Variants in RAB28 observed in about 807,000 individuals in gnomAD.
RAB28 encodes the protein RAB28, member RAS oncogene family.
In RAB28, 24 loss-of-function variants were observed where a neutral mutation model predicts 31.7. The ratio of observed to expected loss-of-function variants is 0.76; its 90% CI spans 0.55 to 1.06. The LOEUF is 1.06. Ranked by LOEUF, RAB28 falls within the 50% of genes least tolerant of loss-of-function variation. RAB28 has a pLI of 0.00. For synonymous variants in RAB28, 100 were observed against 90.4 expected, an observed-to-expected ratio of 1.11 and a Z score of -0.60; for missense variants, 254 against 258.5, an observed-to-expected ratio of 0.98 and a Z score of 0.12.
chr4:13,445,272 C>T (rs965683911), intron 4 of RAB28, among the ~76,000 whole-genome samples: 5 of 151,908 alleles, frequency 3.3e-5, no homozygotes, highest in East Asian at 1.9e-4. Flanking sequence ...TAGTCAGCAG[C>T]TCCTGTAACC....
intron 4 of RAB28, among the ~76,000 whole-genome samples, chr4:13,390,629 G>T (rs1252052873): frequency 6.8e-6 from 1 of 147,574 alleles, no homozygotes; most frequent in Non-Finnish European, 1.5e-5. Flanking sequence ...AAACCTGGAG[G>T]CATCAAACTA....
chr4:13,452,657 T>G (rs147310044), intron 4 of RAB28, among the ~76,000 whole-genome samples: 2,489 of 152,202 alleles, frequency 0.016, 20 homozygotes, highest in African/African-American at 0.019. Flanking sequence ...TTTTTTAAAT[T>G]TTTTTGACAC....
chr4:13,381,952 T>C (rs970897054), intron 4 of RAB28, among the ~76,000 whole-genome samples: 3 of 152,214 alleles, frequency 2.0e-5, no homozygotes, highest in Non-Finnish European at 4.4e-5. Context: ...CATTTAAACA[T>C]GGTGATTAAT....
At chr4:13,378,139 A>G (rs773450949) in intron 5 of RAB28, among the ~76,000 whole-genome samples, 25 of 152,196 alleles carry the variant, frequency 1.6e-4, no homozygotes, top group Non-Finnish European at 3.4e-4. Context: ...AAGTGTAGAA[A>G]AAGAGATTAT....
intron 2 of RAB28, among the ~76,000 whole-genome samples, chr4:13,476,672 C>T (rs1256638540): frequency 4.6e-5 from 7 of 151,084 alleles, no homozygotes; most frequent in African/African-American, 7.3e-5. Context: ...ATGAATTCTC[C>T]TAGTATATTT....
rs1728597970 is a variant in RAB28, at chr4:13,368,545, A to C, written c.*13T>G. 2.5e-6 allele frequency: 4 copies of C among 1,601,842 alleles called. No individual in the cohort carries two copies. Among genetic ancestry groups the C allele is most frequent in the Non-Finnish European group, 3.4e-6 (4 of 1,175,060 alleles). ...AGGGCAGCCAGAACTATCAACACAA[A>C]AGAAAAATGCGCTCACTGAACTGCA... On this transcript the variant is annotated 3_prime_UTR_variant, in exon 7 of 7. Coordinates refer to ENST00000330852, the MANE Select transcript of RAB28 (RefSeq NM_001017979.3).
chr4:13,438,172 AT>A (rs1714227445), intron 4 of RAB28, among the ~76,000 whole-genome samples: 1 of 152,186 alleles, frequency 6.6e-6, no homozygotes, highest in Admixed American at 6.5e-5. Context: ...ATTAATCCAG[AT>A]TGGTAAAATA....
intron 6 of RAB28, among the ~76,000 whole-genome samples, chr4:13,372,384 T>C (rs1406682986): frequency 1.3e-5 from 2 of 152,120 alleles, no homozygotes; most frequent in African/African-American, 2.4e-5. Flanking sequence ...GGCTATTATA[T>C]GCTGCCAGTA....
intron 2 of RAB28, 58 bp from the exon 3 acceptor site, chr4:13,474,464 C>T: frequency 9.9e-7 from 1 of 1,006,534 alleles, no homozygotes; most frequent in East Asian, 2.5e-5. Flanking sequence ...AGTAACAATA[C>T]AACAAGTGAC....
In RAB28 at chr4:13,474,339, A is replaced by G. The variant is rs1716252860; in HGVS notation, c.240T>C (p.Asp80=). 3.8e-6 allele frequency: 6 copies of G among 1,594,240 alleles called. No individual in the cohort carries two copies. The highest frequency in any genetic ancestry group is 4.3e-6 in the Non-Finnish European group (5 of 1,164,590). ...GGQTIGGKML[D]KYIYGAQGVL... is the part of the protein sequence containing the mutation. Reference sequence around the variant, plus strand: ...ATACCTGTGCTCCATAGATATATTTATCCAACATTTTGCCTCCTATTGTCT... The same window carrying G: ...ATACCTGTGCTCCATAGATATATTTGTCCAACATTTTGCCTCCTATTGTCT... Residue 80 remains aspartate, a synonymous_variant, in exon 3 of 7, where the codon GAT becomes GAC. Transcript: ENST00000330852.
chr4:13,472,512 T>G (rs1716166427), intron 3 of RAB28, among the ~76,000 whole-genome samples: 1 of 151,844 alleles, frequency 6.6e-6, no homozygotes. Context: ...ATGTATTAAT[T>G]GAATTATATA....
intron 4 of RAB28, among the ~76,000 whole-genome samples, chr4:13,382,855 C>G (rs13435316): frequency 0.037 from 5,614 of 151,862 alleles, 175 homozygotes; most frequent in African/African-American, 0.083. Flanking sequence ...CCTGCCACCA[C>G]GCCCGGCTAA....
At chr4:13,374,557 T>C (rs7686426) in intron 6 of RAB28, among the ~76,000 whole-genome samples, 14,318 of 152,074 alleles carry the variant, frequency 0.094, 1,333 homozygotes, top group African/African-American at 0.24. Flanking sequence ...ACCATTCCCC[T>C]TTTCAGAAAG....
intron 4 of RAB28, among the ~76,000 whole-genome samples, chr4:13,429,574 T>A (rs1251926583): frequency 6.7e-6 from 1 of 148,798 alleles, no homozygotes; most frequent in East Asian, 1.9e-4. Context: ...CAGGAATAAA[T>A]TTAACAAGTG....
intron 6 of RAB28, chr4:13,371,616 ATGTTTCCGAAC>A (rs2108873461): frequency 1.0e-6 from 1 of 985,304 alleles, no homozygotes; most frequent in South Asian, 4.7e-5. Context: ...GCTTTGTAAA[ATGTTTCCGAAC>A]TGTAAGCCAT....
intron 4 of RAB28, among the ~76,000 whole-genome samples, chr4:13,416,017 G>A (rs1712760309): frequency 6.6e-6 from 1 of 152,110 alleles, no homozygotes; most frequent in Non-Finnish European, 1.5e-5. Context: ...ACTCTGTTAG[G>A]GACTTGGAGA....
chr4:13,406,686 T>A (rs1225319896), intron 4 of RAB28, among the ~76,000 whole-genome samples: 1 of 152,242 alleles, frequency 6.6e-6, no homozygotes, highest in Non-Finnish European at 1.5e-5. Context: ...TTTTTAAAGA[T>A]CGCCATTCTA....
intron 4 of RAB28, among the ~76,000 whole-genome samples, chr4:13,394,662 A>G (rs990701011): frequency 6.6e-6 from 1 of 152,218 alleles, no homozygotes; most frequent in South Asian, 2.1e-4. Context: ...GACGGAGTAC[A>G]ATTGAGGAAA....
rs1715508327 is a variant in RAB28, at chr4:13,459,998, G to C, written c.391+701C>G. 1.2e-4 allele frequency: 103 copies of C among 879,362 alleles called. 1 individual carries two copies. The South Asian group carries it at 1.4e-3, about 12-fold the overall frequency. 54.5% of individuals were successfully genotyped at this position (879,362 alleles called of 1,614,324 possible). A position where few individuals can be genotyped will look rare whatever the true frequency, so the allele number is the denominator to read the frequency against. ...AGGAATTGACCAAAGCAGCGGAGCA[G>C]TTATAATAGACCACGCATCAAAACA... On this transcript the variant is annotated intron_variant, in intron 4 of 6. Transcript: ENST00000330852.
Sources: gnomAD v4.1 joint callset for allele counts (sites outside exome capture counted in the v4.1 genomes callset) on GRCh38, gnomAD v4.1.1 for gene constraint, MANE v1.5 for transcripts, NCBI Gene and HGNC (gene_info 2026-07-23, HGNC 2026-07-21) for gene names.